The following KHDRBS2 variants were observed in gnomAD, a reference collection of about 807,000 sequenced individuals.
The protein encoded by KHDRBS2 is KH RNA binding domain containing, signal transduction associated 2.
A neutral mutation model predicts 44.3 loss-of-function variants in KHDRBS2; 26 were observed. The observed-to-expected ratio is 0.59, with a 90% CI of 0.43 to 0.81. The LOEUF is 0.81. Ranked by LOEUF, KHDRBS2 falls within the 40% of genes least tolerant of loss-of-function variation. The pLI, the probability that KHDRBS2 is intolerant of heterozygous loss-of-function variation, is 0.00. For synonymous variants in KHDRBS2, 194 were observed against 151.1 expected, an observed-to-expected ratio of 1.28 and a Z score of -2.08; for missense variants, 476 against 433.1, an observed-to-expected ratio of 1.10 and a Z score of -0.88.
intron 5 of KHDRBS2, among the ~76,000 whole-genome samples, chr6:61,901,026 C>A (rs1270670805): frequency 6.6e-6 from 1 of 152,152 alleles, no homozygotes; most frequent in South Asian, 2.1e-4. Flanking sequence ...CAATTTCTCA[C>A]CTGCAGATGC....
chr6:61,670,170 A>T, the KHDRBS2 span, among the ~76,000 whole-genome samples: 2 of 151,344 alleles, frequency 1.3e-5, no homozygotes, highest in African/African-American at 4.8e-5. Flanking sequence ...CTTTGTAATC[A>T]TAGTTGACAA....
At chr6:62,040,915 AT>A (rs1186919988) in intron 3 of KHDRBS2, among the ~76,000 whole-genome samples, 1 of 152,158 alleles carries the variant, frequency 6.6e-6, no homozygotes, top group Non-Finnish European at 1.5e-5. Context: ...TCTCTCTAAA[AT>A]AAATGTCAAA....
intron 4 of KHDRBS2, among the ~76,000 whole-genome samples, chr6:61,935,254 T>C (rs1166501575): frequency 6.6e-6 from 1 of 152,200 alleles, no homozygotes; most frequent in Non-Finnish European, 1.5e-5. Flanking sequence ...AAAGTATCAG[T>C]GAATTTTGAA....
chr6:62,102,081 C>A (rs377448402), intron 2 of KHDRBS2, among the ~76,000 whole-genome samples: 1 of 152,050 alleles, frequency 6.6e-6, no homozygotes, highest in Non-Finnish European at 1.5e-5. Context: ...ATAACTAAAT[C>A]ATTTTTTCTA....
chr6:61,694,024 A>C (rs1227295192), intron 8 of KHDRBS2, among the ~76,000 whole-genome samples: 1 of 152,180 alleles, frequency 6.6e-6, no homozygotes, highest in Non-Finnish European at 1.5e-5. Flanking sequence ...ATATCATCAA[A>C]TTTATCCTTT....
At chr6:62,172,698 GAAAAA>G in intron 2 of KHDRBS2, among the ~76,000 whole-genome samples, 1 of 73,464 alleles carries the variant, frequency 1.4e-5, no homozygotes, top group Middle Eastern at 0.013. Context: ...CCAGCAAACT[GAAAAA>G]AAAAAAAAAA....
intron 2 of KHDRBS2, among the ~76,000 whole-genome samples, chr6:62,153,079 G>C (rs1433289340): frequency 6.6e-6 from 1 of 152,194 alleles, no homozygotes; most frequent in Admixed American, 6.5e-5. Context: ...ACAGTTTATA[G>C]CTTGCTCAAT....
At chr6:61,565,735 T>C in the KHDRBS2 span, among the ~76,000 whole-genome samples, 2 of 152,080 alleles carry the variant, frequency 1.3e-5, no homozygotes, top group Admixed American at 6.6e-5. Context: ...GACTATTGTA[T>C]AAAATGTTTA....
chr6:61,749,274 A>C (rs1311104025), intron 6 of KHDRBS2, among the ~76,000 whole-genome samples: 1 of 151,792 alleles, frequency 6.6e-6, no homozygotes, highest in African/African-American at 2.4e-5. Context: ...CGGCCTCCTA[A>C]AGTGCTGGGA....
chr6:62,222,736 G>C, intron 1 of KHDRBS2, among the ~76,000 whole-genome samples: 1 of 152,124 alleles, frequency 6.6e-6, no homozygotes, highest in East Asian at 1.9e-4. Context: ...AAACAAAGGG[G>C]TTACAGGCCC....
At position 61,846,344 on chromosome 6, in the gene KHDRBS2, T is replaced by G. The variant is rs538977660; in HGVS notation, c.810+48291A>C. Reference sequence around the variant, plus strand: ...ATGTATAAGTAAATCTATCATATAATAGAAAATCTAACCACAGTTGCTACC... The same window carrying G: ...ATGTATAAGTAAATCTATCATATAAGAGAAAATCTAACCACAGTTGCTACC... On this transcript the variant is annotated intron_variant, in intron 6 of 8. Coordinates refer to ENST00000281156, the MANE Select transcript of KHDRBS2 (RefSeq NM_152688.4). 2.6e-5 allele frequency among the ~76,000 whole-genome samples: 4 copies of G among 152,336 alleles called. No homozygotes were observed. In the South Asian group the frequency reaches 8.3e-4, roughly 32 times the overall value.
chr6:61,722,158 A>G (rs1282507385), intron 7 of KHDRBS2, among the ~76,000 whole-genome samples: 1 of 152,032 alleles, frequency 6.6e-6, no homozygotes, highest in African/African-American at 2.4e-5. Context: ...AAGCTTTTTG[A>G]TGTGCTGCTG....
the KHDRBS2 span, among the ~76,000 whole-genome samples, chr6:61,602,651 G>T: frequency 2.6e-5 from 4 of 152,070 alleles, no homozygotes; most frequent in African/African-American, 9.6e-5. Context: ...CACAGTGGAG[G>T]GTAAGTCCGT....
At chr6:61,802,662 T>C (rs971199992) in intron 6 of KHDRBS2, among the ~76,000 whole-genome samples, 1 of 152,138 alleles carries the variant, frequency 6.6e-6, no homozygotes, top group Non-Finnish European at 1.5e-5. Context: ...ATTTAGAAAA[T>C]GCTCCCAAGT....
chr6:61,772,062 C>T (rs112621490), intron 6 of KHDRBS2, among the ~76,000 whole-genome samples: 4,688 of 152,270 alleles, frequency 0.031, 258 homozygotes, highest in African/African-American at 0.11. Context: ...CAACCTGCTC[C>T]TGAATGACTA....
chr6:62,100,243 C>T (rs1414960951), intron 2 of KHDRBS2, among the ~76,000 whole-genome samples: 1 of 152,104 alleles, frequency 6.6e-6, no homozygotes, highest in African/African-American at 2.4e-5. Context: ...TGAATTGTCA[C>T]AATTTTATGA....
At chr6:61,658,641 AG>A in the KHDRBS2 span, among the ~76,000 whole-genome samples, 4 of 151,984 alleles carry the variant, frequency 2.6e-5, no homozygotes, top group East Asian at 7.8e-4. Flanking sequence ...TCAATGCAGT[AG>A]GGTCCTGACA....
At chr6:61,789,151 A>G (rs1187726269) in intron 6 of KHDRBS2, among the ~76,000 whole-genome samples, 1 of 151,466 alleles carries the variant, frequency 6.6e-6, no homozygotes, top group South Asian at 2.1e-4. Flanking sequence ...TTAATATGAC[A>G]TTAGTACTAC....
intron 6 of KHDRBS2, among the ~76,000 whole-genome samples, chr6:61,836,289 G>C (rs1792654003): frequency 6.6e-6 from 1 of 151,980 alleles, no homozygotes; most frequent in East Asian, 1.9e-4. Flanking sequence ...AACCAATGCA[G>C]GAATCTTAGT....
Sources: allele counts gnomAD v4.1 joint callset (sites outside exome capture counted in the v4.1 genomes callset), GRCh38; gene constraint gnomAD v4.1.1; transcripts MANE v1.5; gene names NCBI Gene and HGNC (gene_info 2026-07-23, HGNC 2026-07-21).